RIGI: variants seen among roughly 807,000 people sequenced by gnomAD.
RIGI encodes antiviral innate immune response receptor RIG-I.
chr9:32,461,619 T>G, the RIGI span, among the ~76,000 whole-genome samples: 2 of 152,212 alleles, frequency 1.3e-5, no homozygotes, highest in Admixed American at 6.5e-5. Context: ...TTATGACTGC[T>G]CAGGCCTGCC....
At chr9:32,475,364 TA>T in the RIGI span, among the ~76,000 whole-genome samples, 12 of 149,526 alleles carry the variant, frequency 8.0e-5, no homozygotes, top group Middle Eastern at 3.5e-3. Context: ...AAACAACCTT[TA>T]AAAAAAAAAT....
At chr9:32,494,773 T>C in the RIGI span, among the ~76,000 whole-genome samples, 1 of 152,138 alleles carries the variant, frequency 6.6e-6, no homozygotes, top group Non-Finnish European at 1.5e-5. Context: ...CAAAATACAA[T>C]ATTTGTCTTT....
At chr9:32,510,319 T>C in the RIGI span, among the ~76,000 whole-genome samples, 1 of 151,892 alleles carries the variant, frequency 6.6e-6, no homozygotes, top group African/African-American at 2.4e-5. Flanking sequence ...GGAGGAAAAA[T>C]GTTAGGTGCA....
At chr9:32,481,034 T>C in the RIGI span, among the ~76,000 whole-genome samples, 1 of 152,186 alleles carries the variant, frequency 6.6e-6, no homozygotes, top group Non-Finnish European at 1.5e-5. Flanking sequence ...ACTGGTCTTG[T>C]ATCTGGAATA....
the RIGI span, chr9:32,489,361 A>G: frequency 6.2e-7 from 1 of 1,611,452 alleles, no homozygotes; most frequent in Non-Finnish European, 8.5e-7. Flanking sequence ...AGCACATATT[A>G]TTGTGTTTTT....
chr9:32,493,426 C>G, the RIGI span, among the ~76,000 whole-genome samples: 1 of 152,132 alleles, frequency 6.6e-6, no homozygotes, highest in Non-Finnish European at 1.5e-5. Flanking sequence ...GAGTTCGAGA[C>G]CAGCCTGACC....
the RIGI span, chr9:32,485,393 C>A: frequency 1.3e-6 from 1 of 747,742 alleles, no homozygotes; most frequent in Non-Finnish European, 2.2e-6. Context: ...TTTGATACTT[C>A]CTCTGAAAAA....
the RIGI span, chr9:32,487,883 A>G: frequency 6.4e-7 from 1 of 1,568,968 alleles, no homozygotes; most frequent in Admixed American, 1.8e-5. Flanking sequence ...CCATAAGAGT[A>G]AGAAAATAGG....
chr9:32,497,979 T>A, the RIGI span, among the ~76,000 whole-genome samples: 1 of 152,172 alleles, frequency 6.6e-6, no homozygotes, highest in African/African-American at 2.4e-5. Context: ...AATATCCAGA[T>A]TAATCATATC....
At chr9:32,477,200 G>C in the RIGI span, 21 of 1,559,572 alleles carry the variant, frequency 1.3e-5, 1 homozygote, top group South Asian at 2.3e-4. Context: ...GTGACCTTTA[G>C]CTATCGTTCA....
At chr9:32,492,885 C>T in the RIGI span, among the ~76,000 whole-genome samples, 1 of 151,542 alleles carries the variant, frequency 6.6e-6, no homozygotes, top group Admixed American at 6.6e-5. Context: ...AAACAGATAA[C>T]AAAATATTAA....
the RIGI span, chr9:32,459,588 C>A: frequency 7.1e-7 from 1 of 1,410,738 alleles, no homozygotes; most frequent in Non-Finnish European, 9.6e-7. Context: ...CAGATACGTA[C>A]AATACATATA....
chr9:32,510,861 C>T, the RIGI span, among the ~76,000 whole-genome samples: 2 of 151,300 alleles, frequency 1.3e-5, no homozygotes, highest in Non-Finnish European at 2.9e-5. Context: ...TGTAAAGACA[C>T]ACATAGGCTC....
the RIGI span, among the ~76,000 whole-genome samples, chr9:32,485,927 C>T: frequency 6.6e-6 from 1 of 152,136 alleles, no homozygotes; most frequent in Non-Finnish European, 1.5e-5. Context: ...CAATCTAACC[C>T]TGTCTCTGTG....
chr9:32,479,506 G>A, the RIGI span, among the ~76,000 whole-genome samples: 3 of 152,108 alleles, frequency 2.0e-5, no homozygotes, highest in Non-Finnish European at 4.4e-5. Context: ...TATGCAGGCA[G>A]TGAGATTATG....
At chr9:32,466,316 A>G in the RIGI span, 4 of 1,613,748 alleles carry the variant, frequency 2.5e-6, no homozygotes, top group Admixed American at 3.3e-5. Context: ...GCTTCGTCCC[A>G]TGTCTGAAGG....
the RIGI span, among the ~76,000 whole-genome samples, chr9:32,458,887 G>A: frequency 1.9e-5 from 2 of 103,868 alleles, no homozygotes; most frequent in Non-Finnish European, 4.5e-5. Flanking sequence ...CATTTAGCAT[G>A]ACTTTTTTTT....
At chr9:32,488,280 A>C in the RIGI span, 1 of 1,458,678 alleles carries the variant, frequency 6.9e-7, no homozygotes, top group Non-Finnish European at 9.4e-7. Flanking sequence ...CTAGATCAGA[A>C]CATCAACTGA....
At chr9:32,459,493 C>T in the RIGI span, 1 of 1,611,994 alleles carries the variant, frequency 6.2e-7, no homozygotes, top group Non-Finnish European at 8.5e-7. Flanking sequence ...ATGAATTTTT[C>T]ATGAGTCTGT....
Sources: allele counts gnomAD v4.1 joint callset (sites outside exome capture counted in the v4.1 genomes callset), GRCh38; gene constraint gnomAD v4.1.1; transcripts MANE v1.5; gene names NCBI Gene and HGNC (gene_info 2026-07-23, HGNC 2026-07-21).